The following RASGRP4 variants were observed in gnomAD, a reference collection of about 807,000 sequenced individuals.
RASGRP4 encodes the protein RAS guanyl-releasing protein 4.
In RASGRP4, 52 loss-of-function variants were observed where a neutral mutation model predicts 84.4. The ratio of observed to expected loss-of-function variants is 0.62; its 90% CI spans 0.49 to 0.78. The LOEUF (loss-of-function observed/expected upper bound fraction) is 0.78. Among genes scored for constraint, RASGRP4 ranks in the 30% least tolerant of loss-of-function variants. The pLI, the probability that RASGRP4 is intolerant of heterozygous loss-of-function variation, is 0.00. For missense variants in RASGRP4, 760 were observed against 886.9 expected (o/e 0.86, Z 1.82); for synonymous variants, 356 against 359.1 (o/e 0.99, Z 0.10).
In RASGRP4 at chr19:38,411,348, G is replaced by A. The variant is rs759183398; in HGVS notation, c.1714C>T (p.Arg572Trp). 45 of 1,600,012 alleles carry A rather than the reference G, an allele frequency of 2.8e-5. No individual in the cohort carries two copies. Among genetic ancestry groups the A allele is most frequent in the East Asian group, 4.5e-5 (2 of 44,114 alleles). The change falls in exon 14 of 17, where the codon CGG (arginine) becomes TGG (tryptophan). Residue 572 changes from arginine (R) to tryptophan (W), a missense_variant. Coordinates refer to ENST00000615439, the MANE Select transcript of RASGRP4 (RefSeq NM_170604.3). ...WGVTKQGYRC[R>W]ECGLCCHKHC... ...CACTCACTGACACCCCACTCACCCC[G>A]ACAGCGGTAGCCTTGCTTGGTGACA...
chr19:38,418,304 A>G lies in RASGRP4; in HGVS notation c.837+87T>C. 1 of 1,370,230 alleles carries G rather than the reference A, an allele frequency of 7.3e-7. No individual in the cohort carries two copies. The highest frequency in any genetic ancestry group is 1.0e-6 in the Non-Finnish European group (1 of 992,732). The allele number at this position is 1,370,230 out of a possible 1,614,324, so 84.9% of individuals were successfully genotyped here. A position where few individuals can be genotyped will look rare whatever the true frequency, so the allele number is the denominator to read the frequency against. On this transcript the variant is annotated intron_variant, in intron 7 of 16. Transcript: ENST00000615439. The surrounding 1 kb of genome is among the most constrained non-coding windows in gnomAD (Gnocchi z 4.6). ...GGAGATGCGTGACGTCACCGCCGGG[A>G]TGACCCTGTGGGGTCGAGGGTCTGG...
chr19:38,420,126 C>T lies in RASGRP4; in HGVS notation c.509+5G>A. The stretch of plus-strand genomic sequence containing the variant: ...AGGGAAGAGGGGAGCACAGGGCTGA[C>T]TCACAGGTCAGAAGAGTCTCCCAGT... On this transcript the variant is annotated splice_donor_5th_base_variant and intron_variant, in intron 5 of 16. Coordinates refer to ENST00000615439, the MANE Select transcript of RASGRP4 (RefSeq NM_170604.3). 1 of 1,612,030 alleles carries T rather than the reference C, an allele frequency of 6.2e-7. No individual in the cohort carries two copies. The highest frequency in any genetic ancestry group is 8.5e-7 in the Non-Finnish European group (1 of 1,178,900).
intron 6 of RASGRP4, among the ~76,000 whole-genome samples, chr19:38,419,450 C>G (rs994414926): frequency 6.6e-6 from 1 of 152,022 alleles, no homozygotes; most frequent in Non-Finnish European, 1.5e-5. Context: ...TGTTGTTTTT[C>G]GAGACAGAAT....
At chr19:38,421,371 G>A (rs1971742250) in intron 2 of RASGRP4, among the ~76,000 whole-genome samples, 171 bp from the exon 3 acceptor site, 1 of 152,152 alleles carries the variant, frequency 6.6e-6, no homozygotes, top group Non-Finnish European at 1.5e-5. Flanking sequence ...TATCTGTATT[G>A]TGCATGGGGC....
intron 16 of RASGRP4, among the ~76,000 whole-genome samples, chr19:38,410,674 G>A (rs544051850): frequency 4.3e-4 from 66 of 152,054 alleles, no homozygotes; most frequent in African/African-American, 1.3e-3. Flanking sequence ...CAGCCTCCCC[G>A]AAGTCCTGGG....
chr19:38,414,638 T>C (rs779238868), intron 9 of RASGRP4, among the ~76,000 whole-genome samples: 8 of 152,232 alleles, frequency 5.3e-5, no homozygotes, highest in Non-Finnish European at 1.0e-4. Context: ...GTCCTTTTAT[T>C]ATTCCCATTT....
intron 16 of RASGRP4, among the ~76,000 whole-genome samples, 162 bp downstream of exon 16, chr19:38,410,724 T>C (rs1050276172): frequency 5.3e-5 from 8 of 152,070 alleles, no homozygotes; most frequent in Non-Finnish European, 1.2e-4. Flanking sequence ...TATTTTTCTA[T>C]CAATATTAAA....
chr19:38,410,468 A>G (rs1971189801), intron 16 of RASGRP4, among the ~76,000 whole-genome samples: 2 of 144,982 alleles, frequency 1.4e-5, no homozygotes, highest in Admixed American at 1.4e-4. Flanking sequence ...GCTGGTGTGC[A>G]GTGGCACAAT....
intron 1 of RASGRP4, among the ~76,000 whole-genome samples, chr19:38,422,965 A>AC (rs1397873552): frequency 6.6e-6 from 1 of 150,752 alleles, no homozygotes. Context: ...ACCACTCAAG[A>AC]CCCCTCAGGG....
intron 3 of RASGRP4, 23 bp downstream of exon 3, chr19:38,421,072 T>C: frequency 1.2e-6 from 2 of 1,610,242 alleles, no homozygotes; most frequent in Non-Finnish European, 8.5e-7. Context: ...CCTCCACCCA[T>C]AGCTCACAGT....
chr19:38,410,318 T>G (rs979993543), intron 16 of RASGRP4, among the ~76,000 whole-genome samples: 1 of 152,166 alleles, frequency 6.6e-6, no homozygotes, highest in Non-Finnish European at 1.5e-5. Context: ...ATATTTGGCC[T>G]TATTCTTGCT....
At position 38,419,933 on chromosome 19, in the gene RASGRP4, A is replaced by G; in HGVS notation, c.590T>C (p.Phe197Ser). The change falls in exon 6 of 17, where the codon TTC (phenylalanine) becomes TCC (serine). Residue 197 changes from phenylalanine (F) to serine (S), a missense_variant. By Grantham distance (155) the Phe-to-Ser change is radical (BLOSUM62 -2). Transcript: ENST00000615439. The part of the protein sequence containing the change: ...LGKKRKVSLL[F>S]DHLETGELAQ... ...CAGCTCCCCCGTCTCCAAGTGGTCG[A>G]AAAGCAAGGACACTTTGCGCTTTTT... 6.2e-7 allele frequency: 1 copy of G among 1,613,742 alleles called. No homozygotes were observed.
At chr19:38,416,444 C>T (rs1263651382) in intron 8 of RASGRP4, among the ~76,000 whole-genome samples, 1 of 114,012 alleles carries the variant, frequency 8.8e-6, no homozygotes, top group African/African-American at 3.4e-5. Context: ...GCCTGGGCGA[C>T]AAGAGCGAGA....
Position 38,419,870 on chromosome 19 carries a change from TGGAAGG to T in RASGRP4, c.647_652del (p.Ser216_Gln218delinsTer). On this transcript the variant is annotated stop_gained and inframe_deletion, in exon 6 of 17. Coordinates refer to ENST00000615439, the MANE Select transcript of RASGRP4 (RefSeq NM_170604.3). LOFTEE classifies it high-confidence loss of function. Reference sequence around the variant, plus strand: ...GGAGGGGGTCCTCACCGTGATAGCCTGGAAGGACCGGAACTCCAGGTAGGTGAGGTG... The same window carrying T: ...GGAGGGGGTCCTCACCGTGATAGCCTACCGGAACTCCAGGTAGGTGAGGTG... 1 of 1,598,614 alleles carries T rather than the reference TGGAAGG, an allele frequency of 6.3e-7. No homozygotes were observed. The highest frequency in any genetic ancestry group is 1.3e-5 in the African/African-American group (1 of 74,806).
At chr19:38,424,451 GCT>G (rs1971899848) in intron 1 of RASGRP4, among the ~76,000 whole-genome samples, 1 of 151,198 alleles carries the variant, frequency 6.6e-6, no homozygotes, top group South Asian at 2.1e-4. Context: ...ACAGGGTCTT[GCT>G]CTGTCTCCCA....
chr19:38,416,997 TG>T, intron 8 of RASGRP4, 54 bp downstream of exon 8: 1 of 1,044,930 alleles, frequency 9.6e-7, no homozygotes, highest in Non-Finnish European at 1.5e-6. Flanking sequence ...GAATTAGGTG[TG>T]GGGGCTCAAG....
At position 38,415,141 on chromosome 19, in the gene RASGRP4, G is replaced by A. The variant is rs1375593748; in HGVS notation, c.955-18C>T. On this transcript the variant is annotated intron_variant, in intron 8 of 16. Transcript: ENST00000615439. ...AGGAGGGCCTGGGGAGGAGGGACAT[G>A]GGATTGGGGCGTTATCAGGACAGTC... The A allele has an allele frequency of 1.3e-6, 2 of 1,573,684 alleles. No individual in the cohort carries two copies. Among genetic ancestry groups the A allele is most frequent in the Non-Finnish European group, 1.7e-6 (2 of 1,157,898 alleles).
Position 38,413,602 on chromosome 19 carries a change from G to A in RASGRP4, c.1231-128C>T, listed in dbSNP as rs967322378. On this transcript the variant is annotated intron_variant, in intron 9 of 16. Transcript: ENST00000615439. The surrounding 1 kb of genome is among the most constrained non-coding windows in gnomAD (Gnocchi z 4.7). Reference sequence around the variant, plus strand: ...CCTGGCATTACTGCTGTGGGACAGTGGGCAAGGGACCTCACCTCTCTGGGC... The same window carrying A: ...CCTGGCATTACTGCTGTGGGACAGTAGGCAAGGGACCTCACCTCTCTGGGC... 1.5e-4 allele frequency: 115 copies of A among 759,064 alleles called. No individual in the cohort carries two copies. The highest frequency in any genetic ancestry group is 2.3e-4 in the Non-Finnish European group (102 of 452,174). 47.0% of individuals were successfully genotyped at this position (759,064 alleles called of 1,614,324 possible).
chr19:38,420,155 C>T lies in RASGRP4; in HGVS notation c.485G>A (p.Arg162Lys). 6.2e-7 allele frequency: 1 copy of T among 1,613,562 alleles called. No homozygotes were observed. Among genetic ancestry groups the T allele is most frequent in the East Asian group, 2.2e-5 (1 of 44,872 alleles). Residue 162 changes from arginine to lysine, a missense_variant, in exon 5 of 17, where the codon AGA becomes AAA. Physicochemically the swap from Arg to Lys is conservative, Grantham distance 26. Transcript: ENST00000615439. ...CAGGTCAGAAGAGTCTCCCAGTCTT[C>T]TCTGGGCTGAGTTGCCCTCCCGGGC... Reference protein sequence around the residue: ...TVAREGNSAQRRLGDSSDLLS... With the variant: ...TVAREGNSAQKRLGDSSDLLS...
Sources: gnomAD v4.1 joint callset for allele counts (sites outside exome capture counted in the v4.1 genomes callset) on GRCh38, gnomAD v4.1.1 for gene constraint, Gnocchi (gnomAD v3.1) non-coding constraint, MANE v1.5 for transcripts, NCBI Gene and HGNC (gene_info 2026-07-23, HGNC 2026-07-21) for gene names.